The following PATL1 variants were observed in gnomAD, a reference collection of about 807,000 sequenced individuals.
PATL1 encodes the protein protein PAT1 homolog 1.
PATL1 carries 32 observed loss-of-function variants against 100.6 expected under a neutral mutation model. The ratio of observed to expected loss-of-function variants is 0.32; its 90% confidence interval spans 0.24 to 0.43. The LOEUF (loss-of-function observed/expected upper bound fraction) is 0.43. PATL1 is among the 20% of genes least tolerant of loss of function. PATL1 has a pLI of 1.00. For missense variants in PATL1, 747 were observed against 949.9 expected, an observed-to-expected ratio of 0.79 and a Z score of 2.81; for synonymous variants, 332 against 330.0, an observed-to-expected ratio of 1.01 and a Z score of -0.07.
intron 1 of PATL1, among the ~76,000 whole-genome samples, chr11:59,668,278 C>A (rs548235028): frequency 2.0e-5 from 3 of 152,154 alleles, no homozygotes; most frequent in Admixed American, 6.5e-5. Flanking sequence ...TTGCTACATT[C>A]CCGGCACCTT....
chr11:59,643,680 A>G (rs1197981775), intron 15 of PATL1, among the ~76,000 whole-genome samples: 1 of 152,150 alleles, frequency 6.6e-6, no homozygotes, highest in Non-Finnish European at 1.5e-5. Flanking sequence ...TGACAGGGTG[A>G]GACCCACCCT....
At position 59,649,453 on chromosome 11, in the gene PATL1, G is replaced by C. The variant is rs989165561; in HGVS notation, c.1733+9C>G. 3.7e-6 allele frequency: 6 copies of C among 1,612,264 alleles called. No homozygotes were observed. The highest frequency in any genetic ancestry group is 1.7e-5 in the Admixed American group (1 of 59,612). On this transcript the variant is annotated intron_variant, in intron 14 of 18. Coordinates refer to ENST00000300146, the MANE Select transcript of PATL1 (RefSeq NM_152716.3). ...AGTTAATGTTTTCCTCAAACTGCAC[G>C]ATGCTTACCTCTCTTGTCCAGGCAA...
At chr11:59,650,383 C>T (rs1861424488) in intron 13 of PATL1, among the ~76,000 whole-genome samples, 1 of 152,162 alleles carries the variant, frequency 6.6e-6, no homozygotes, top group Non-Finnish European at 1.5e-5. Flanking sequence ...CCTCAGCACC[C>T]AGAATAGTGC....
chr11:59,641,751 TA>T lies in PATL1; in HGVS notation c.2049+1128del, dbSNP rs886705458. On this transcript the variant is annotated intron_variant, in intron 16 of 18. Transcript: ENST00000300146. ...CTGGGTGACAGAGAAGACCCTGATT[TA>T]AAAAAAAAAAATCCCTTTTCATGTT... Among the ~76,000 whole-genome samples the T allele has an allele frequency of 3.3e-4, 48 of 145,600 alleles. No individual in the cohort carries two copies. The Middle Eastern group carries it at 0.014, about 43-fold the overall frequency.
At chr11:59,666,638 T>C (rs765836229) in intron 2 of PATL1, among the ~76,000 whole-genome samples, 10 of 152,226 alleles carry the variant, frequency 6.6e-5, no homozygotes, top group South Asian at 6.2e-4. Context: ...GCTTACAGAA[T>C]ACCTGATTTT....
chr11:59,642,079 A>G (rs141309856), intron 16 of PATL1, among the ~76,000 whole-genome samples: 132 of 152,356 alleles, frequency 8.7e-4, no homozygotes, highest in African/African-American at 3.0e-3. Flanking sequence ...GGACAACTCT[A>G]TGAAGTCTAC....
Position 59,666,252 on chromosome 11 carries a change from G to GAATAAATA in PATL1, c.127+593_127+600dup, listed in dbSNP as rs141762912. ...CAGAGCAAGACTTCATCTCGAAAAA[G>GAATAAATA]AATAAATAAATAAATAAATAATATG... On this transcript the variant is annotated intron_variant, in intron 2 of 18. Coordinates refer to ENST00000300146, the MANE Select transcript of PATL1 (RefSeq NM_152716.3). 2.4e-3 allele frequency among the ~76,000 whole-genome samples: 370 copies of GAATAAATA among 151,940 alleles called. 6 individuals carry two copies. Among genetic ancestry groups the GAATAAATA allele is most frequent in the Admixed American group, 0.023 (356 of 15,236 alleles).
rs1554984756 is a variant in PATL1, at chr11:59,656,051, G to GT, written c.724-7dup. 14 of 937,204 alleles carry GT rather than the reference G, an allele frequency of 1.5e-5. No individual in the cohort carries two copies. The highest frequency in any genetic ancestry group is 5.0e-5 in the African/African-American group (2 of 40,384). 58.1% of individuals were successfully genotyped at this position (937,204 alleles called of 1,614,324 possible). ...TGACCCAGGAGGGAAGAGTTCTAAG[G>GT]TAAAAAAAAAAAAAAAAAAAAGAAT... is the stretch of plus-strand genomic sequence containing the variant. On this transcript the variant is annotated splice_polypyrimidine_tract_variant and splice_region_variant and intron_variant, in intron 6 of 18. Transcript: ENST00000300146.
At chr11:59,659,740 A>G (rs1861602474) in intron 2 of PATL1, among the ~76,000 whole-genome samples, 1 of 151,936 alleles carries the variant, frequency 6.6e-6, no homozygotes, top group African/African-American at 2.4e-5. Flanking sequence ...GGGTTTCACC[A>G]TGCTGGCCAG....
chr11:59,646,335 G>T (rs1861365727), intron 15 of PATL1, among the ~76,000 whole-genome samples: 1 of 145,494 alleles, frequency 6.9e-6, no homozygotes, highest in East Asian at 2.0e-4. Flanking sequence ...ACTGTGTCCA[G>T]CTCATTTTTT....
intron 15 of PATL1, 31 bp downstream of exon 15, chr11:59,647,723 A>G (rs1286038062): frequency 6.2e-7 from 1 of 1,608,698 alleles, no homozygotes; most frequent in Admixed American, 1.7e-5. Flanking sequence ...ATAAAGACTC[A>G]AAAGAAAGAT....
intron 12 of PATL1, 75 bp downstream of exon 12, chr11:59,651,469 C>T (rs950877252): frequency 6.2e-5 from 72 of 1,167,938 alleles, no homozygotes; most frequent in Non-Finnish European, 8.8e-5. Context: ...CATGCCTGAT[C>T]TCATTCCATG....
chr11:59,668,832 G>C (rs929945983), intron 1 of PATL1, 49 bp downstream of exon 1: 2 of 1,189,668 alleles, frequency 1.7e-6, no homozygotes, highest in Non-Finnish European at 2.4e-6. Context: ...GAGTGAGGGA[G>C]AGGGGCGCGG....
intron 16 of PATL1, among the ~76,000 whole-genome samples, chr11:59,641,983 G>A (rs1441705415): frequency 6.6e-6 from 1 of 152,076 alleles, no homozygotes; most frequent in Non-Finnish European, 1.5e-5. Flanking sequence ...CATCTCTACT[G>A]TACATAGAAT....
intron 1 of PATL1, among the ~76,000 whole-genome samples, chr11:59,667,443 C>CT (rs913434849): frequency 6.6e-6 from 1 of 152,128 alleles, no homozygotes; most frequent in Non-Finnish European, 1.5e-5. Context: ...TTCCATCTTT[C>CT]TTATCTTCCC....
In PATL1 at chr11:59,668,918, CGGGGAGG is replaced by C; in HGVS notation, c.-30_-24del. The C allele has an allele frequency of 3.7e-6, 1 of 271,628 alleles. No homozygotes were observed. Among genetic ancestry groups the C allele is most frequent in the Non-Finnish European group, 7.0e-6 (1 of 142,568 alleles). The allele number at this position is 271,628 out of a possible 1,614,324, so 16.8% of individuals were successfully genotyped here. On this transcript the variant is annotated 5_prime_UTR_variant, in exon 1 of 19. Coordinates refer to ENST00000300146, the MANE Select transcript of PATL1 (RefSeq NM_152716.3). ...CATTCTTGGGGAGGGGGGCAGGGAG[CGGGGAGG>C]GGAGAGGGGGAGGGAGGGAAGAAGC... is the stretch of plus-strand genomic sequence containing the variant.
At chr11:59,653,212 T>TA (rs1369577793) in intron 9 of PATL1, among the ~76,000 whole-genome samples, 194 bp from the exon 10 acceptor site, 1 of 151,170 alleles carries the variant, frequency 6.6e-6, no homozygotes, top group Non-Finnish European at 1.5e-5. Flanking sequence ...AATGAAGAAA[T>TA]AAAACTAAGA....
At chr11:59,648,642 T>C (rs1463461204) in intron 14 of PATL1, among the ~76,000 whole-genome samples, 2 of 152,216 alleles carry the variant, frequency 1.3e-5, no homozygotes, top group East Asian at 1.9e-4. Context: ...TGGGCCCATA[T>C]AATTCATATG....
intron 2 of PATL1, among the ~76,000 whole-genome samples, chr11:59,666,607 CAT>C (rs369003258): frequency 5.8e-4 from 89 of 152,264 alleles, no homozygotes; most frequent in African/African-American, 2.0e-3. Flanking sequence ...AGTCATCGAT[CAT>C]ATAGCTGGAA....
Sources: allele counts gnomAD v4.1 joint callset (sites outside exome capture counted in the v4.1 genomes callset), GRCh38; gene constraint gnomAD v4.1.1; transcripts MANE v1.5; gene names NCBI Gene and HGNC (gene_info 2026-07-23, HGNC 2026-07-21).